The following CDK14 variants were observed in gnomAD, a reference collection of about 807,000 sequenced individuals.
The protein encoded by CDK14 is cyclin dependent kinase 14, also known as cyclin-dependent kinase 14.
A neutral mutation model predicts 60.7 loss-of-function variants in CDK14; 34 were observed. That is an observed-to-expected ratio of 0.56 (90% CI 0.43 to 0.75). The LOEUF is 0.75. Among genes scored for constraint, CDK14 ranks in the 30% least tolerant of loss-of-function variants. The pLI is 0.00. For missense variants in CDK14, 482 were observed against 564.1 expected (o/e 0.85, Z 1.47); for synonymous variants, 197 against 203.7 (o/e 0.97, Z 0.28).
intron 4 of CDK14, among the ~76,000 whole-genome samples, chr7:90,757,851 C>T (rs1026929391): frequency 4.6e-5 from 7 of 152,184 alleles, no homozygotes; most frequent in Non-Finnish European, 8.8e-5. Flanking sequence ...GATCCACCCA[C>T]CTCGGCTTCC....
chr7:91,161,058 G>C (rs374564417), intron 14 of CDK14, among the ~76,000 whole-genome samples: 2 of 152,222 alleles, frequency 1.3e-5, no homozygotes, highest in African/African-American at 4.8e-5. Context: ...CCTTGGAAAG[G>C]CGTATCAGCA....
chr7:90,773,076 T>C (rs916608227), intron 4 of CDK14, among the ~76,000 whole-genome samples: 100 of 152,238 alleles, frequency 6.6e-4, no homozygotes, highest in African/African-American at 2.4e-3. Flanking sequence ...TTGGTTTATT[T>C]TGACGTTTGT....
intron 10 of CDK14, among the ~76,000 whole-genome samples, chr7:90,990,621 T>A (rs1795504281): frequency 6.6e-6 from 1 of 152,172 alleles, no homozygotes; most frequent in African/African-American, 2.4e-5. Flanking sequence ...ATTAAACATT[T>A]TTGTATTCCC....
rs538658401 is a variant in CDK14, at chr7:90,922,385, AT to A, written c.826+4664del. On this transcript the variant is annotated intron_variant, in intron 8 of 14. Transcript: ENST00000380050. ...ATGTAGATCTGAAAGCAAAGAATGTATTTAGAATAATTGATAATATATGAAC... is the reference window on the plus strand; with the variant it reads ...ATGTAGATCTGAAAGCAAAGAATGTATTAGAATAATTGATAATATATGAAC... Among the ~76,000 whole-genome samples, 7 of 152,178 alleles carry A rather than the reference AT, an allele frequency of 4.6e-5. No individual in the cohort carries two copies. In the South Asian group the frequency reaches 1.5e-3, roughly 32 times the overall value.
chr7:91,094,095 A>G (rs1483884365), intron 12 of CDK14, among the ~76,000 whole-genome samples: 2 of 152,102 alleles, frequency 1.3e-5, no homozygotes, highest in African/African-American at 4.8e-5. Flanking sequence ...GGGTAATGGG[A>G]TCATTCGTAC....
At chr7:91,100,913 A>T (rs904290709) in intron 12 of CDK14, among the ~76,000 whole-genome samples, 1 of 152,186 alleles carries the variant, frequency 6.6e-6, no homozygotes, top group Non-Finnish European at 1.5e-5. Context: ...CACTTTCTGT[A>T]CTTTTCCATC....
chr7:90,914,386 T>C (rs969213792), intron 7 of CDK14, among the ~76,000 whole-genome samples: 1 of 152,190 alleles, frequency 6.6e-6, no homozygotes, highest in Non-Finnish European at 1.5e-5. Flanking sequence ...TACAGACCTC[T>C]AAGTCACAAT....
rs763463292 is a variant in CDK14, at chr7:90,878,110, G to T, written c.639+14841G>T. Among the ~76,000 whole-genome samples, 24 of 150,776 alleles carry T rather than the reference G, an allele frequency of 1.6e-4. No individual in the cohort carries two copies. The Middle Eastern group carries it at 0.014, about 86-fold the overall frequency. ...TGTGTGTGTGAGAGAGAGAGAGAGA[G>T]ACAGAGAGAGAGAGAGAATTGAGAG... On this transcript the variant is annotated intron_variant, in intron 6 of 14. Coordinates refer to ENST00000380050, the MANE Select transcript of CDK14 (RefSeq NM_001287135.2).
intron 3 of CDK14, among the ~76,000 whole-genome samples, chr7:90,746,250 A>T (rs746745997): frequency 3.3e-5 from 5 of 152,132 alleles, no homozygotes; most frequent in South Asian, 2.1e-4. Flanking sequence ...ATTCTGATTT[A>T]TTGTTTTTGA....
At chr7:91,036,131 C>T (rs906367186) in intron 10 of CDK14, among the ~76,000 whole-genome samples, 1 of 152,208 alleles carries the variant, frequency 6.6e-6, no homozygotes, top group Non-Finnish European at 1.5e-5. Flanking sequence ...GCGTGAGCCA[C>T]TGCGCCCAGC....
chr7:90,754,225 A>G (rs936898826), intron 4 of CDK14, among the ~76,000 whole-genome samples: 2 of 152,228 alleles, frequency 1.3e-5, no homozygotes, highest in African/African-American at 4.8e-5. Context: ...CCTGAATTCA[A>G]ACTATATTAT....
rs543252690 is a variant in CDK14, at chr7:90,866,497, C to T, written c.639+3228C>T. Among the ~76,000 whole-genome samples, 45 of 152,136 alleles carry T rather than the reference C, an allele frequency of 3.0e-4. No homozygotes were observed. The Middle Eastern group carries it at 0.01, about 35-fold the overall frequency. ...CCAATACCCCATGCCCATTAAAACC[C>T]TGGATATGACGGGAAAGTAAAATAA... is the stretch of plus-strand genomic sequence containing the variant. On this transcript the variant is annotated intron_variant, in intron 6 of 14. Transcript: ENST00000380050.
chr7:91,062,505 G>T (rs371458359), intron 11 of CDK14, among the ~76,000 whole-genome samples: 18 of 152,006 alleles, frequency 1.2e-4, no homozygotes, highest in African/African-American at 4.3e-4. Context: ...GGTGGGAGCT[G>T]TAGACTGGAG....
chr7:91,034,150 T>A (rs1796843790), intron 10 of CDK14, among the ~76,000 whole-genome samples: 1 of 152,168 alleles, frequency 6.6e-6, no homozygotes, highest in Non-Finnish European at 1.5e-5. Flanking sequence ...GTATACAGGC[T>A]GAAAACTTTT....
At chr7:90,930,281 T>A (rs1442014738) in intron 8 of CDK14, among the ~76,000 whole-genome samples, 1 of 152,190 alleles carries the variant, frequency 6.6e-6, no homozygotes, top group African/African-American at 2.4e-5. Context: ...TTTGAAATAA[T>A]GGTAGATTGT....
At chr7:90,635,936 G>T (rs1455651373) in intron 2 of CDK14, among the ~76,000 whole-genome samples, 5 of 151,886 alleles carry the variant, frequency 3.3e-5, no homozygotes, top group Non-Finnish European at 5.9e-5. Flanking sequence ...CTCTCTGTTT[G>T]TCTGTTACTG....
In CDK14 at chr7:90,960,597, C is replaced by T. The variant is rs183793354; in HGVS notation, c.947+4780C>T. On this transcript the variant is annotated intron_variant, in intron 9 of 14. Transcript: ENST00000380050. ...AAAATGTCCACATCAAAATTGATTT[C>T]GCATATGTTAGAAAAGAAATTGCCT... Among the ~76,000 whole-genome samples the T allele has an allele frequency of 2.3e-3, 357 of 152,162 alleles. 1 individual carries two copies. Among genetic ancestry groups the T allele is most frequent in the African/African-American group, 7.9e-3 (330 of 41,524 alleles).
intron 14 of CDK14, among the ~76,000 whole-genome samples, chr7:91,119,488 A>G (rs1375773584): frequency 1.3e-5 from 2 of 152,240 alleles, no homozygotes. Flanking sequence ...TGTCTCAAAA[A>G]GTAAATAAAT....
intron 14 of CDK14, among the ~76,000 whole-genome samples, chr7:91,184,147 G>A (rs1278872598): frequency 2.2e-5 from 3 of 136,232 alleles, no homozygotes; most frequent in Admixed American, 8.2e-5. Flanking sequence ...AGAGGTTGCA[G>A]TGAGCCGAGA....
Sources: gnomAD v4.1 joint callset for allele counts (sites outside exome capture counted in the v4.1 genomes callset) on GRCh38, gnomAD v4.1.1 for gene constraint, MANE v1.5 for transcripts, NCBI Gene and HGNC (gene_info 2026-07-23, HGNC 2026-07-21) for gene names.